The following CTNNA3 variants were observed in gnomAD, a reference collection of about 807,000 sequenced individuals.
The protein encoded by CTNNA3 is catenin alpha-3.
A neutral mutation model predicts 95.7 loss-of-function variants in CTNNA3; 76 were observed. That is an observed-to-expected ratio of 0.79 (90% CI 0.66 to 0.96). CTNNA3 has a LOEUF of 0.96. Among genes scored for constraint, CTNNA3 ranks in the 40% least tolerant of loss-of-function variants. The pLI is 0.00. For synonymous variants in CTNNA3, 431 were observed against 374.4 expected (o/e 1.15, Z -1.74); for missense variants, 1,191 against 1,089.8 (o/e 1.09, Z -1.31).
intron 9 of CTNNA3, among the ~76,000 whole-genome samples, chr10:66,663,736 T>G (rs1439808522): frequency 6.6e-6 from 1 of 152,160 alleles, no homozygotes; most frequent in Non-Finnish European, 1.5e-5. Context: ...CAGAGTTCAG[T>G]TCTGTACACC....
intron 9 of CTNNA3, among the ~76,000 whole-genome samples, chr10:66,756,570 G>T (rs1839368119): frequency 1.3e-5 from 2 of 152,144 alleles, no homozygotes; most frequent in South Asian, 4.1e-4. Context: ...ACATACACAT[G>T]AATAATCCTT....
At chr10:66,740,462 T>C (rs1325556713) in intron 9 of CTNNA3, among the ~76,000 whole-genome samples, 1 of 152,230 alleles carries the variant, frequency 6.6e-6, no homozygotes, top group African/African-American at 2.4e-5. Flanking sequence ...TTCAATTTTG[T>C]CAAATTATTT....
chr10:67,735,389 T>C (rs1026608581), intron 1 of CTNNA3, among the ~76,000 whole-genome samples: 6 of 152,140 alleles, frequency 3.9e-5, no homozygotes, highest in African/African-American at 1.4e-4. Flanking sequence ...TGGACAATTA[T>C]GCAGTCATTA....
At chr10:66,708,161 G>A (rs1393040420) in intron 9 of CTNNA3, among the ~76,000 whole-genome samples, 6 of 151,624 alleles carry the variant, frequency 4.0e-5, no homozygotes, top group Non-Finnish European at 7.4e-5. Context: ...CTTTCCTGGG[G>A]AGCATAGTGT....
At chr10:66,718,754 A>G (rs1286633745) in intron 9 of CTNNA3, among the ~76,000 whole-genome samples, 1 of 151,982 alleles carries the variant, frequency 6.6e-6, no homozygotes, top group African/African-American at 2.4e-5. Context: ...AAGGCCAAAA[A>G]CTGTGCTTGT....
In CTNNA3 at chr10:67,078,806, G is replaced by A. The variant is rs190002514; in HGVS notation, c.1047+101511C>T. Among the ~76,000 whole-genome samples, 578 of 152,204 alleles carry A rather than the reference G, an allele frequency of 3.8e-3. 1 individual carries two copies. Among genetic ancestry groups the A allele is most frequent in the African/African-American group, 0.013 (531 of 41,520 alleles). ...GCTGAGATTACAGATGTGAGCCACC[G>A]CACCCGGCCCTCTGATGTCTTCTTA... On this transcript the variant is annotated intron_variant, in intron 7 of 17. Coordinates refer to ENST00000433211, the MANE Select transcript of CTNNA3 (RefSeq NM_013266.4).
At chr10:67,458,285 T>G (rs1847246259) in intron 5 of CTNNA3, among the ~76,000 whole-genome samples, 1 of 152,022 alleles carries the variant, frequency 6.6e-6, no homozygotes, top group Non-Finnish European at 1.5e-5. Context: ...AATCATAGTA[T>G]TAGAATCAAA....
chr10:67,402,996 T>G (rs2132812837), intron 5 of CTNNA3, among the ~76,000 whole-genome samples: 1 of 152,214 alleles, frequency 6.6e-6, no homozygotes, highest in Admixed American at 6.5e-5. Context: ...GGCTTGGAAC[T>G]TCAGCCAGCC....
chr10:66,055,751 A>C (rs1322412402), intron 15 of CTNNA3, among the ~76,000 whole-genome samples: 2 of 151,846 alleles, frequency 1.3e-5, no homozygotes. Flanking sequence ...GTGAAACCCC[A>C]TCTCTACTAA....
chr10:67,450,107 C>T (rs1381661179), intron 5 of CTNNA3, among the ~76,000 whole-genome samples: 1 of 152,102 alleles, frequency 6.6e-6, no homozygotes. Flanking sequence ...TGCCATCTCA[C>T]ACCAGTCAGG....
At chr10:67,515,676 T>G (rs1839789498) in intron 5 of CTNNA3, among the ~76,000 whole-genome samples, 1 of 152,332 alleles carries the variant, frequency 6.6e-6, no homozygotes, top group Non-Finnish European at 1.5e-5. Context: ...TATTTTAGTA[T>G]AGCAGTCCTT....
intron 9 of CTNNA3, among the ~76,000 whole-genome samples, chr10:66,642,418 A>C (rs1309127015): frequency 6.6e-6 from 1 of 151,818 alleles, no homozygotes; most frequent in African/African-American, 2.4e-5. Context: ...AAAATTACTC[A>C]CCCTACACAC....
chr10:67,726,121 A>C lies in CTNNA3; in HGVS notation c.-2+37313T>G, dbSNP rs190742161. 5.2e-4 allele frequency among the ~76,000 whole-genome samples: 60 copies of C among 114,684 alleles called. 1 individual carries two copies. The highest frequency in any genetic ancestry group is 2.1e-3 in the African/African-American group (59 of 28,308). The allele number at this position is 114,684 out of a possible 152,430, so 75.2% of individuals were successfully genotyped here. The stretch of plus-strand genomic sequence containing the variant: ...TAATTATATAAGATTATATATTATT[A>C]TATTAGATAATATATATTATATTAT... On this transcript the variant is annotated intron_variant, in intron 1 of 17. Transcript: ENST00000684154.
At chr10:67,227,935 C>T (rs1483877617) in intron 5 of CTNNA3, among the ~76,000 whole-genome samples, 1 of 152,110 alleles carries the variant, frequency 6.6e-6, no homozygotes, top group Middle Eastern at 3.2e-3. Flanking sequence ...AAATAACGTG[C>T]TCCTGAATTA....
intron 7 of CTNNA3, among the ~76,000 whole-genome samples, chr10:67,076,896 A>C (rs1856776294): frequency 6.6e-6 from 1 of 152,222 alleles, no homozygotes; most frequent in African/African-American, 2.4e-5. Flanking sequence ...TCTAGAATTG[A>C]ACAAAGTACC....
At chr10:67,245,803 C>T (rs529671336) in intron 5 of CTNNA3, among the ~76,000 whole-genome samples, 64 of 147,644 alleles carry the variant, frequency 4.3e-4, no homozygotes, top group Non-Finnish European at 7.6e-4. Flanking sequence ...TGCAGTGAGC[C>T]GAGATTGCAC....
At chr10:67,352,934 C>T (rs1272192597) in intron 5 of CTNNA3, among the ~76,000 whole-genome samples, 1 of 151,874 alleles carries the variant, frequency 6.6e-6, no homozygotes, top group African/African-American at 2.4e-5. Flanking sequence ...CAGGTATGTA[C>T]ACAATGGCCA....
At chr10:67,109,471 C>T (rs1001122490) in intron 7 of CTNNA3, among the ~76,000 whole-genome samples, 8 of 152,172 alleles carry the variant, frequency 5.3e-5, no homozygotes, top group Non-Finnish European at 1.0e-4. Context: ...TTCAAGAATG[C>T]ACTTTGCATT....
intron 7 of CTNNA3, among the ~76,000 whole-genome samples, chr10:67,059,022 A>T (rs745424183): frequency 5.5e-4 from 83 of 152,226 alleles, no homozygotes; most frequent in Non-Finnish European, 1.0e-3. Context: ...CTGCTAATGC[A>T]GCCTTCTAAG....
Sources: gnomAD v4.1 joint callset for allele counts (sites outside exome capture counted in the v4.1 genomes callset) on GRCh38, gnomAD v4.1.1 for gene constraint, MANE v1.5 for transcripts, NCBI Gene and HGNC (gene_info 2026-07-23, HGNC 2026-07-21) for gene names.